UGGT2: variants seen among roughly 807,000 people sequenced by gnomAD.
The protein encoded by UGGT2 is UDP-glucose glycoprotein glucosyltransferase 2, also known as UDP-glucose:glycoprotein glucosyltransferase 2.
UGGT2 carries 180 observed loss-of-function variants against 192.1 expected under a neutral mutation model. That is an observed-to-expected ratio of 0.94 (90% CI 0.83 to 1.06). UGGT2 has a LOEUF of 1.06. Among genes scored for constraint, UGGT2 ranks in the 50% least tolerant of loss-of-function variants. The pLI, the probability that UGGT2 is intolerant of heterozygous loss-of-function variation, is 0.00. For synonymous variants in UGGT2, 580 were observed against 591.0 expected, an observed-to-expected ratio of 0.98 and a Z score of 0.27; for missense variants, 1,849 against 1,795.7, an observed-to-expected ratio of 1.03 and a Z score of -0.54.
chr13:95,958,828 G>T (rs891650660), intron 12 of UGGT2, among the ~76,000 whole-genome samples: 2 of 152,078 alleles, frequency 1.3e-5, no homozygotes, highest in African/African-American at 2.4e-5. Context: ...GCCTAGAGAG[G>T]TTCCCTAATG....
chr13:95,852,453 G>C (rs894955580), intron 36 of UGGT2, among the ~76,000 whole-genome samples: 3 of 152,056 alleles, frequency 2.0e-5, no homozygotes, highest in African/African-American at 4.8e-5. Flanking sequence ...TCACTATTCT[G>C]AACTCTCTAT....
At chr13:96,004,741 C>CA (rs978315840) in intron 5 of UGGT2, among the ~76,000 whole-genome samples, 6 of 143,834 alleles carry the variant, frequency 4.2e-5, no homozygotes, top group Non-Finnish European at 6.0e-5. Flanking sequence ...GTAATAAAAC[C>CA]AAAAAAATAA....
At chr13:95,942,959 G>A (rs1398323713) in intron 15 of UGGT2, among the ~76,000 whole-genome samples, 1 of 152,214 alleles carries the variant, frequency 6.6e-6, no homozygotes, top group East Asian at 1.9e-4. Flanking sequence ...AAGGTGTAAA[G>A]TCTTATTTAC....
chr13:95,999,976 C>G (rs1187831305), intron 5 of UGGT2, among the ~76,000 whole-genome samples: 1 of 152,104 alleles, frequency 6.6e-6, no homozygotes, highest in Non-Finnish European at 1.5e-5. Context: ...ATTAAATGTA[C>G]TCCTAGAGAT....
intron 29 of UGGT2, among the ~76,000 whole-genome samples, chr13:95,869,378 C>T: frequency 6.6e-6 from 1 of 152,146 alleles, no homozygotes; most frequent in Admixed American, 6.5e-5. Flanking sequence ...AGCAGCATGT[C>T]TTATAATCCT....
At chr13:95,998,304 TA>T (rs1362666441) in intron 6 of UGGT2, among the ~76,000 whole-genome samples, 7 of 152,124 alleles carry the variant, frequency 4.6e-5, no homozygotes, top group African/African-American at 1.7e-4. Context: ...TACAAGAGAG[TA>T]AATTATAAAG....
At chr13:95,953,313 C>T (rs2050122197) in intron 12 of UGGT2, among the ~76,000 whole-genome samples, 1 of 152,202 alleles carries the variant, frequency 6.6e-6, no homozygotes, top group African/African-American at 2.4e-5. Context: ...CTTTAGTATT[C>T]CGTAAGAAAA....
chr13:96,029,112 C>A (rs2052753467), intron 2 of UGGT2, among the ~76,000 whole-genome samples: 2 of 152,116 alleles, frequency 1.3e-5, no homozygotes, highest in Admixed American at 6.5e-5. Context: ...GATCATGCCA[C>A]TGAACTCCAG....
At chr13:95,979,838 A>T (rs752597261) in intron 10 of UGGT2, among the ~76,000 whole-genome samples, 10 of 152,294 alleles carry the variant, frequency 6.6e-5, no homozygotes, top group Middle Eastern at 3.4e-3. Flanking sequence ...TAAGAACATG[A>T]ATTAGACAAT....
chr13:95,953,850 A>T (rs2050138104), intron 12 of UGGT2, among the ~76,000 whole-genome samples: 3 of 152,266 alleles, frequency 2.0e-5, no homozygotes, highest in South Asian at 4.2e-4. Context: ...GTTTGAAGGG[A>T]AGGCTGCCAG....
intron 8 of UGGT2, among the ~76,000 whole-genome samples, chr13:95,989,759 T>A (rs1277553093): frequency 6.6e-6 from 1 of 152,128 alleles, no homozygotes; most frequent in Non-Finnish European, 1.5e-5. Flanking sequence ...TAACCTCACT[T>A]CATATAATTT....
intron 33 of UGGT2, among the ~76,000 whole-genome samples, chr13:95,857,426 G>C (rs1566597906): frequency 6.6e-6 from 1 of 152,084 alleles, no homozygotes; most frequent in East Asian, 1.9e-4. Flanking sequence ...ATTATCTACA[G>C]AAAAAAGTGC....
At chr13:95,973,009 A>G (rs1263475545) in intron 10 of UGGT2, among the ~76,000 whole-genome samples, 1 of 152,122 alleles carries the variant, frequency 6.6e-6, no homozygotes, top group African/African-American at 2.4e-5. Context: ...CATCTCTACT[A>G]AACACAAAAA....
intron 36 of UGGT2, among the ~76,000 whole-genome samples, chr13:95,842,452 C>A (rs1039149771): frequency 6.6e-6 from 1 of 152,076 alleles, no homozygotes; most frequent in Non-Finnish European, 1.5e-5. Flanking sequence ...TATGAATATA[C>A]CATATCTTTT....
At chr13:95,840,581 G>C (rs1369293797) in intron 36 of UGGT2, among the ~76,000 whole-genome samples, 1 of 152,102 alleles carries the variant, frequency 6.6e-6, no homozygotes, top group African/African-American at 2.4e-5. Flanking sequence ...GGAGTAATAG[G>C]AACACTTTTA....
chr13:95,832,715 G>A (rs952545479), intron 38 of UGGT2: 3 of 652,918 alleles, frequency 4.6e-6, no homozygotes, highest in Non-Finnish European at 5.6e-6. Context: ...ATAGAGTTAT[G>A]AGCTGAAGCT....
intron 10 of UGGT2, among the ~76,000 whole-genome samples, chr13:95,973,053 C>A (rs1178152930): frequency 6.6e-6 from 1 of 152,078 alleles, no homozygotes; most frequent in Non-Finnish European, 1.5e-5. Flanking sequence ...GCCCGTAATC[C>A]CAGCTACTTG....
intron 21 of UGGT2, among the ~76,000 whole-genome samples, chr13:95,902,155 T>C (rs550337568): frequency 2.0e-5 from 3 of 152,282 alleles, no homozygotes; most frequent in East Asian, 1.9e-4. Context: ...TTTGAATTTA[T>C]TGTCATTAAT....
chr13:95,958,204 T>C lies in UGGT2; in HGVS notation c.1336-8750A>G, dbSNP rs192842360. Among the ~76,000 whole-genome samples the C allele has an allele frequency of 7.0e-3, 1,062 of 152,118 alleles. 35 individuals are homozygous for C. The highest frequency in any genetic ancestry group is 0.049 in the Admixed American group (747 of 15,282). On this transcript the variant is annotated intron_variant, in intron 12 of 38. Coordinates refer to ENST00000376747, the MANE Select transcript of UGGT2 (RefSeq NM_020121.4). Reference sequence around the variant, plus strand: ...TCTTGCTCTGTCGCCCAGGCTGGAATGCAGTGGCACGATCTTGGCTCACTG... The same window carrying C: ...TCTTGCTCTGTCGCCCAGGCTGGAACGCAGTGGCACGATCTTGGCTCACTG...
Sources: gnomAD v4.1 joint callset for allele counts (sites outside exome capture counted in the v4.1 genomes callset) on GRCh38, gnomAD v4.1.1 for gene constraint, MANE v1.5 for transcripts, NCBI Gene and HGNC (gene_info 2026-07-23, HGNC 2026-07-21) for gene names.